ARHGAP24: variants seen among roughly 807,000 people sequenced by gnomAD.
ARHGAP24 encodes the protein Rho GTPase activating protein 24.
ARHGAP24 carries 50 observed loss-of-function variants against 76.4 expected under a neutral mutation model. The observed-to-expected ratio is 0.65, with a 90% CI of 0.52 to 0.83. The LOEUF (loss-of-function observed/expected upper bound fraction) is 0.83, where lower values mean the gene tolerates loss of function less well. Ranked by LOEUF, ARHGAP24 falls within the 40% of genes least tolerant of loss-of-function variation. The pLI is 0.00. For missense variants in ARHGAP24, 930 were observed against 914.2 expected, an observed-to-expected ratio of 1.02 and a Z score of -0.22; for synonymous variants, 345 against 323.3, an observed-to-expected ratio of 1.07 and a Z score of -0.72.
intron 2 of ARHGAP24, among the ~76,000 whole-genome samples, chr4:85,574,723 A>G (rs1214444024): frequency 6.6e-6 from 1 of 152,230 alleles, no homozygotes; most frequent in Non-Finnish European, 1.5e-5. Context: ...ACCTAAGTTA[A>G]TAAATATGAG....
At chr4:85,669,696 A>G (rs1254484478) in intron 2 of ARHGAP24, among the ~76,000 whole-genome samples, 2 of 74,528 alleles carry the variant, frequency 2.7e-5, no homozygotes, top group Non-Finnish European at 3.2e-5. Flanking sequence ...TATATATGTG[A>G]TATATATAGC....
chr4:85,802,716 A>AG (rs1232591670), intron 3 of ARHGAP24, among the ~76,000 whole-genome samples: 1 of 152,166 alleles, frequency 6.6e-6, no homozygotes, highest in African/African-American at 2.4e-5. Flanking sequence ...GCTTGAACCC[A>AG]GGAGGCGGAG....
Position 85,897,061 on chromosome 4 carries a change from C to A in ARHGAP24, c.269-26587C>A, listed in dbSNP as rs147937496. Among the ~76,000 whole-genome samples the A allele has an allele frequency of 7.0e-4, 107 of 152,280 alleles. 1 individual carries two copies. In the East Asian group the frequency reaches 0.02, roughly 29 times the overall value. On this transcript the variant is annotated intron_variant, in intron 3 of 9. Coordinates refer to ENST00000395184, the MANE Select transcript of ARHGAP24 (RefSeq NM_001025616.3). ...TATGAGTAAAAGGTACTGCCCACTA[C>A]AACCACATGGGCCTTCTTTCTTTGT...
At chr4:85,635,903 TTAAA>T (rs1197114410) in intron 2 of ARHGAP24, among the ~76,000 whole-genome samples, 2 of 151,932 alleles carry the variant, frequency 1.3e-5, no homozygotes, top group African/African-American at 4.8e-5. Context: ...GCATTTCCTT[TTAAA>T]TAGATTCCAT....
chr4:85,522,793 C>T (rs1457761850), intron 1 of ARHGAP24, among the ~76,000 whole-genome samples: 7 of 152,144 alleles, frequency 4.6e-5, no homozygotes, highest in Non-Finnish European at 1.0e-4. Context: ...CAATGTTATC[C>T]TGTGTCAGTT....
intron 8 of ARHGAP24, among the ~76,000 whole-genome samples, chr4:85,985,860 G>T (rs1242861287): frequency 6.6e-6 from 1 of 152,178 alleles, no homozygotes. Context: ...TACAACAGGT[G>T]TTTGCAGCAT....
At chr4:85,955,327 G>A (rs924383069) in intron 5 of ARHGAP24, among the ~76,000 whole-genome samples, 1 of 148,204 alleles carries the variant, frequency 6.7e-6, no homozygotes, top group Non-Finnish European at 1.5e-5. Flanking sequence ...CATGATCCCT[G>A]TATTATTTTC....
intron 2 of ARHGAP24, among the ~76,000 whole-genome samples, chr4:85,671,040 A>G (rs1044136849): frequency 6.6e-6 from 1 of 152,212 alleles, no homozygotes; most frequent in South Asian, 2.1e-4. Context: ...CCTACGAGAT[A>G]AATCTAAATT....
At chr4:85,763,378 A>G (rs796309154) in intron 3 of ARHGAP24, among the ~76,000 whole-genome samples, 131 of 152,226 alleles carry the variant, frequency 8.6e-4, no homozygotes, top group African/African-American at 2.9e-3. Context: ...AGGTAATAAA[A>G]CCTCTTAGTT....
intron 3 of ARHGAP24, among the ~76,000 whole-genome samples, chr4:85,750,727 C>G (rs1036870254): frequency 1.3e-5 from 2 of 151,724 alleles, no homozygotes; most frequent in African/African-American, 4.8e-5. Flanking sequence ...AATTCCTGAC[C>G]CATCAGGTGA....
intron 5 of ARHGAP24, among the ~76,000 whole-genome samples, chr4:85,944,855 C>T (rs778375977): frequency 5.9e-5 from 9 of 151,846 alleles, no homozygotes; most frequent in Non-Finnish European, 1.3e-4. Flanking sequence ...TTTTTTTCTT[C>T]CTTTTTTTTG....
intron 2 of ARHGAP24, among the ~76,000 whole-genome samples, chr4:85,596,115 A>C (rs950632786): frequency 6.6e-6 from 1 of 151,890 alleles, no homozygotes; most frequent in Non-Finnish European, 1.5e-5. Context: ...CTGGTAACCC[A>C]GCAAAGCTTT....
chr4:85,999,486 T>TA (rs1486414578), intron 9 of ARHGAP24, among the ~76,000 whole-genome samples: 1 of 152,176 alleles, frequency 6.6e-6, no homozygotes, highest in East Asian at 1.9e-4. Context: ...GATTTTAATT[T>TA]AAAAACTGTT....
chr4:85,984,842 A>G (rs144883455), intron 8 of ARHGAP24, among the ~76,000 whole-genome samples: 184 of 152,232 alleles, frequency 1.2e-3, no homozygotes, highest in African/African-American at 4.3e-3. Flanking sequence ...ATTTTTTTCA[A>G]GATGGAGTCT....
chr4:85,683,120 G>GA (rs1437192648), intron 2 of ARHGAP24, among the ~76,000 whole-genome samples: 1 of 111,762 alleles, frequency 8.9e-6, no homozygotes, highest in Non-Finnish European at 1.8e-5. Context: ...GGGGGGGTGG[G>GA]GGGGGGGTGC....
chr4:85,542,963 A>G (rs757887970), intron 1 of ARHGAP24, among the ~76,000 whole-genome samples: 3 of 152,196 alleles, frequency 2.0e-5, no homozygotes, highest in Non-Finnish European at 4.4e-5. Flanking sequence ...AGCACTTACA[A>G]CATTGCCTGG....
chr4:85,925,784 G>A (rs1201734436), intron 4 of ARHGAP24, among the ~76,000 whole-genome samples: 1 of 152,088 alleles, frequency 6.6e-6, no homozygotes, highest in Non-Finnish European at 1.5e-5. Context: ...AGTGGCTACT[G>A]TACATGAGAG....
At chr4:85,658,289 A>C (rs1216461811) in intron 2 of ARHGAP24, among the ~76,000 whole-genome samples, 1 of 152,202 alleles carries the variant, frequency 6.6e-6, no homozygotes, top group African/African-American at 2.4e-5. Flanking sequence ...AAAATTATTC[A>C]ATTTAAAGGA....
intron 3 of ARHGAP24, among the ~76,000 whole-genome samples, chr4:85,756,204 T>A (rs1294666377): frequency 4.3e-5 from 1 of 23,336 alleles, no homozygotes; most frequent in Non-Finnish European, 3.5e-3. Context: ...TGTTTCTTAA[T>A]AGTTAATAAA....
Sources: allele counts gnomAD v4.1 joint callset (sites outside exome capture counted in the v4.1 genomes callset), GRCh38; gene constraint gnomAD v4.1.1; transcripts MANE v1.5; gene names NCBI Gene and HGNC (gene_info 2026-07-23, HGNC 2026-07-21).